SNX24: variants seen among roughly 807,000 people sequenced by gnomAD.
SNX24 encodes sorting nexin-24.
SNX24 carries 22 observed loss-of-function variants against 28.7 expected under a neutral mutation model. That is an observed-to-expected ratio of 0.77 (90% CI 0.55 to 1.10). The LOEUF (loss-of-function observed/expected upper bound fraction) is 1.10, where lower values mean the gene tolerates loss of function less well. Among genes scored for constraint, SNX24 ranks in the 50% least tolerant of loss-of-function variants. The pLI is 0.00. For synonymous variants in SNX24, 69 were observed against 71.5 expected (o/e 0.96, Z 0.18); for missense variants, 221 against 201.1 (o/e 1.10, Z -0.60).
intron 3 of SNX24, among the ~76,000 whole-genome samples, chr5:122,977,892 G>A (rs1179956284): frequency 1.3e-5 from 2 of 152,080 alleles, no homozygotes; most frequent in Non-Finnish European, 2.9e-5. Context: ...ATAAAATTTA[G>A]CCTGTTTCAT....
chr5:122,906,874 C>T lies in SNX24; in HGVS notation c.61-29860C>T, dbSNP rs145289897. On this transcript the variant is annotated intron_variant, in intron 1 of 6. Transcript: ENST00000261369. ...CAGAAGTGAAGTAACTTGTTGGCCA[C>T]AGAGTAAGTGACAGGGGCAGGATTC... 4.3e-3 allele frequency among the ~76,000 whole-genome samples: 654 copies of T among 152,074 alleles called. 7 individuals carry two copies. The highest frequency in any genetic ancestry group is 0.024 in the Middle Eastern group (7 of 294).
chr5:122,849,998 G>A (rs964472109), intron 1 of SNX24, among the ~76,000 whole-genome samples: 1 of 152,152 alleles, frequency 6.6e-6, no homozygotes, highest in Non-Finnish European at 1.5e-5. Flanking sequence ...TAAGAATAGT[G>A]GGGAGAGATC....
At chr5:123,004,386 G>A (rs1762350858) in intron 6 of SNX24, among the ~76,000 whole-genome samples, 2 of 152,038 alleles carry the variant, frequency 1.3e-5, no homozygotes, top group East Asian at 1.9e-4. Context: ...ATCTTCCTTG[G>A]CCTCTCATGG....
intron 1 of SNX24, among the ~76,000 whole-genome samples, chr5:122,849,892 G>T (rs1754816883): frequency 6.6e-6 from 1 of 152,160 alleles, no homozygotes; most frequent in East Asian, 1.9e-4. Context: ...AGAGAAACCA[G>T]AAGAGCAGTG....
intron 1 of SNX24, among the ~76,000 whole-genome samples, chr5:122,919,534 T>G (rs1049984077): frequency 5.3e-5 from 8 of 152,104 alleles, no homozygotes; most frequent in Admixed American, 5.2e-4. Context: ...GTTGATGTGG[T>G]GTTTTGACTT....
At chr5:122,924,949 C>T (rs1249379808) in intron 1 of SNX24, among the ~76,000 whole-genome samples, 1 of 151,506 alleles carries the variant, frequency 6.6e-6, no homozygotes, top group African/African-American at 2.4e-5. Context: ...AAGGCCTGGC[C>T]TTCCCTCCCC....
At chr5:122,974,023 C>G (rs1440913430) in intron 3 of SNX24, among the ~76,000 whole-genome samples, 1 of 152,200 alleles carries the variant, frequency 6.6e-6, no homozygotes, top group Non-Finnish European at 1.5e-5. Flanking sequence ...GGACTCGAAA[C>G]TGGCAGCCTT....
intron 1 of SNX24, among the ~76,000 whole-genome samples, chr5:122,927,368 T>A (rs438196): frequency 6.6e-6 from 1 of 152,062 alleles, no homozygotes; most frequent in Non-Finnish European, 1.5e-5. Flanking sequence ...TTTGTGCATA[T>A]TTGGGACTAA....
At chr5:122,955,432 G>A (rs1288101048) in intron 3 of SNX24, among the ~76,000 whole-genome samples, 1 of 152,046 alleles carries the variant, frequency 6.6e-6, no homozygotes, top group Non-Finnish European at 1.5e-5. Context: ...GATCTTCCTG[G>A]TTCTTGGTAC....
chr5:123,012,295 G>T (rs116812373), downstream of SNX24, among the ~76,000 whole-genome samples: 2,454 of 152,222 alleles, frequency 0.016, 59 homozygotes, highest in African/African-American at 0.042. Context: ...GTAGCCAAAA[G>T]GTGGAAACAA....
chr5:122,866,098 C>G (rs1463862837), intron 1 of SNX24, among the ~76,000 whole-genome samples: 1 of 152,160 alleles, frequency 6.6e-6, no homozygotes, highest in Admixed American at 6.5e-5. Context: ...ATACTCATGA[C>G]AATTCAATCT....
intron 1 of SNX24, among the ~76,000 whole-genome samples, chr5:122,928,437 G>A (rs1758800440): frequency 6.6e-6 from 1 of 152,140 alleles, no homozygotes; most frequent in Admixed American, 6.5e-5. Context: ...TGGCTTATCT[G>A]GGTGGGCCAA....
In SNX24 at chr5:122,912,871, A is replaced by T. The variant is rs189242204; in HGVS notation, c.61-23863A>T. On this transcript the variant is annotated intron_variant, in intron 1 of 6. Transcript: ENST00000261369. ...GGTCTCTGGTTTTCCTAGGCAGAGG[A>T]CCCTGTGGCCCTGGGTACTTGAGAT... Among the ~76,000 whole-genome samples the T allele has an allele frequency of 3.4e-3, 510 of 151,792 alleles. 2 individuals are homozygous for T. The highest frequency in any genetic ancestry group is 5.0e-3 in the Non-Finnish European group (339 of 67,932).
chr5:123,011,721 G>C (rs1280610300), downstream of SNX24, among the ~76,000 whole-genome samples: 2 of 152,214 alleles, frequency 1.3e-5, no homozygotes, highest in South Asian at 2.1e-4. Flanking sequence ...ACTGTACATT[G>C]CTGGTGGAAG....
rs554448352 is a variant in SNX24 at position 122,997,938 on chromosome 5, A to G, written c.250-1974A>G. On this transcript the variant is annotated intron_variant, in intron 3 of 6. Transcript: ENST00000261369. ...CATCCTCTTAAACAGATATCTAGAA[A>G]AAAAAACAATCATTGAAACATGTGT... 3.9e-5 allele frequency among the ~76,000 whole-genome samples: 6 copies of G among 152,304 alleles called. No homozygotes were observed. The East Asian group carries it at 1.2e-3, about 29-fold the overall frequency.
chr5:122,852,458 C>G lies in SNX24; in HGVS notation c.60+6765C>G, dbSNP rs569292906. On this transcript the variant is annotated intron_variant, in intron 1 of 6. Coordinates refer to ENST00000261369, the MANE Select transcript of SNX24 (RefSeq NM_014035.4). ...CCCCAGGCTCAGGTGATTCCGCCAC[C>G]TCAGCCTCCCAAGTAGCTGGGACTA... Among the ~76,000 whole-genome samples the G allele has an allele frequency of 9.2e-5, 14 of 152,164 alleles. No individual in the cohort carries two copies. The South Asian group carries it at 1.5e-3, about 16-fold the overall frequency.
rs185877339 is a variant in SNX24, at chr5:122,988,936, G to A, written c.250-10976G>A. Reference sequence around the variant, plus strand: ...TTGTGTTATGGACTTTTTTAAAGTAGTAAATTAAAAATAGCATATCAACGT... The same window carrying A: ...TTGTGTTATGGACTTTTTTAAAGTAATAAATTAAAAATAGCATATCAACGT... On this transcript the variant is annotated intron_variant, in intron 3 of 6. Transcript: ENST00000261369. Among the ~76,000 whole-genome samples the A allele has an allele frequency of 1.4e-3, 206 of 152,146 alleles. 1 individual carries two copies. In the South Asian group the frequency reaches 0.015, roughly 11 times the overall value.
At chr5:122,945,936 T>C in intron 2 of SNX24, 119 bp from the exon 3 acceptor site, 1 of 532,594 alleles carries the variant, frequency 1.9e-6, no homozygotes, top group Non-Finnish European at 3.4e-6. Flanking sequence ...CTATTTTTTA[T>C]TGCAGATAGC....
chr5:122,857,092 A>G (rs908121572), intron 1 of SNX24, among the ~76,000 whole-genome samples: 27 of 151,196 alleles, frequency 1.8e-4, no homozygotes, highest in Admixed American at 5.3e-4. Context: ...GCTCACCACA[A>G]CCTCCGCCTC....
Sources: gnomAD v4.1 joint callset for allele counts (sites outside exome capture counted in the v4.1 genomes callset) on GRCh38, gnomAD v4.1.1 for gene constraint, MANE v1.5 for transcripts, NCBI Gene and HGNC (gene_info 2026-07-23, HGNC 2026-07-21) for gene names.